DDX60: variants seen among roughly 807,000 people sequenced by gnomAD.
The protein encoded by DDX60 is probable ATP-dependent RNA helicase DDX60.
Under a neutral mutation model 212.8 loss-of-function variants are expected in DDX60, and 165 were observed. That is an observed-to-expected ratio of 0.78 (90% CI 0.68 to 0.88). DDX60 has a LOEUF of 0.88. Among genes scored for constraint, DDX60 ranks in the 40% least tolerant of loss-of-function variants. The probability of loss-of-function intolerance (pLI) is 0.00; values close to 1 mark genes in which losing one functional copy is unlikely to be tolerated. For synonymous variants in DDX60, 703 were observed against 685.3 expected (o/e 1.03, Z -0.40); for missense variants, 1,905 against 2,003.9 (o/e 0.95, Z 0.94).
intron 37 of DDX60, among the ~76,000 whole-genome samples, chr4:168,220,130 T>C (rs2149489367): frequency 6.6e-6 from 1 of 152,302 alleles, no homozygotes; most frequent in South Asian, 2.1e-4. Flanking sequence ...ACATAAAGTT[T>C]GGTGTTGCTT....
intron 30 of DDX60, among the ~76,000 whole-genome samples, chr4:168,244,938 C>T (rs1356561652): frequency 1.3e-5 from 2 of 151,918 alleles, no homozygotes; most frequent in Admixed American, 1.3e-4. Context: ...TATAACTTTT[C>T]CTGAAAAAAC....
intron 30 of DDX60, among the ~76,000 whole-genome samples, chr4:168,245,959 G>A (rs1734006077): frequency 6.6e-6 from 1 of 152,040 alleles, no homozygotes; most frequent in South Asian, 2.1e-4. Context: ...TGGAACAGGG[G>A]CACTTTTTCC....
chr4:168,286,320 GA>G (rs1735846761), intron 10 of DDX60, among the ~76,000 whole-genome samples: 1 of 149,832 alleles, frequency 6.7e-6, no homozygotes, highest in African/African-American at 2.5e-5. Flanking sequence ...AAGAAGTAGG[GA>G]AAAATACAGA....
In DDX60 at chr4:168,237,255, T is replaced by C. The variant is rs901667272; in HGVS notation, c.4411+31A>G. Reference sequence around the variant, plus strand: ...TCTGTTGCTATTTTTGGACTCTCTCTCTACATATATATATAAAATCTCAAG... The same window carrying C: ...TCTGTTGCTATTTTTGGACTCTCTCCCTACATATATATATAAAATCTCAAG... On this transcript the variant is annotated intron_variant, in intron 32 of 37. Transcript: ENST00000393743. 7 of 1,409,614 alleles carry C rather than the reference T, an allele frequency of 5.0e-6. No homozygotes were observed. In the African/African-American group the frequency reaches 8.8e-5, roughly 18 times the overall value. The allele number at this position is 1,409,614 out of a possible 1,614,324, so 87.3% of individuals were successfully genotyped here. A position where few individuals can be genotyped will look rare whatever the true frequency, so the allele number is the denominator to read the frequency against.
Position 168,283,306 on chromosome 4 carries a change from G to A in DDX60, c.1722+140C>T, listed in dbSNP as rs181686666. ...TTTTCAGCAAGAGGTAAAAGAATAA[G>A]TAATCATATACAAAAATATATGCAT... On this transcript the variant is annotated intron_variant, in intron 13 of 37. Transcript: ENST00000393743. The A allele has an allele frequency of 1.7e-3, 1,225 of 702,620 alleles. 12 individuals carry two copies. The African/African-American group carries it at 0.019, about 11-fold the overall frequency. 43.5% of individuals were successfully genotyped at this position (702,620 alleles called of 1,614,324 possible).
chr4:168,230,487 G>C (rs1246543661), intron 33 of DDX60, among the ~76,000 whole-genome samples: 5 of 151,102 alleles, frequency 3.3e-5, no homozygotes, highest in African/African-American at 7.3e-5. Context: ...CTCAATAAGT[G>C]ATCTCAGATC....
chr4:168,254,925 T>C (rs1400535727), intron 26 of DDX60, among the ~76,000 whole-genome samples: 2 of 152,152 alleles, frequency 1.3e-5, no homozygotes, highest in Non-Finnish European at 2.9e-5. Flanking sequence ...TACCAAAACA[T>C]TTTGGCATAA....
At chr4:168,267,072 A>G (rs1213778244) in intron 22 of DDX60, among the ~76,000 whole-genome samples, 1 of 152,116 alleles carries the variant, frequency 6.6e-6, no homozygotes. Flanking sequence ...AAAGTAAGTA[A>G]TCTTTCCCCA....
At chr4:168,244,413 G>A (rs1180923719) in intron 30 of DDX60, among the ~76,000 whole-genome samples, 1 of 152,150 alleles carries the variant, frequency 6.6e-6, no homozygotes, top group Non-Finnish European at 1.5e-5. Flanking sequence ...TGATATAAAA[G>A]AGTGATGGAT....
chr4:168,265,845 G>C, intron 22 of DDX60, among the ~76,000 whole-genome samples: 1 of 17,446 alleles, frequency 5.7e-5, no homozygotes, highest in Non-Finnish European at 1.2e-4. Flanking sequence ...AGGAAGGGAA[G>C]GGAAGGGAAG....
At chr4:168,273,250 T>C (rs1296058962) in intron 18 of DDX60, 29 bp downstream of exon 18, 2 of 1,603,514 alleles carry the variant, frequency 1.2e-6, no homozygotes, top group African/African-American at 1.3e-5. Context: ...TATAATTTGA[T>C]AACACACTTA....
rs1196641885 is a variant in DDX60 at position 168,255,871 on chromosome 4, T to A, written c.3399-2A>T. 6.4e-7 allele frequency: 1 copy of A among 1,571,268 alleles called. No homozygotes were observed. The highest frequency in any genetic ancestry group is 8.6e-7 in the Non-Finnish European group (1 of 1,168,060). ...TTTTCTACAGCTCCTAACTTGAATC[T>A]GGAAATAAAAAGAATGTGCGCCTTG... On this transcript the variant is annotated splice_acceptor_variant, in intron 25 of 37. Transcript: ENST00000393743. LOFTEE classifies it high-confidence loss of function.
intron 30 of DDX60, among the ~76,000 whole-genome samples, chr4:168,238,196 A>G (rs72693110): frequency 0.061 from 8,546 of 139,928 alleles, 441 homozygotes; most frequent in East Asian, 0.16. Flanking sequence ...ATTAAAGTAC[A>G]TGTATCTTTC....
chr4:168,231,784 T>C (rs1250663188), intron 33 of DDX60, among the ~76,000 whole-genome samples: 1 of 152,020 alleles, frequency 6.6e-6, no homozygotes, highest in Non-Finnish European at 1.5e-5. Context: ...GTAGAAAGCA[T>C]TCTCCCTGAG....
intron 16 of DDX60, 91 bp downstream of exon 16, chr4:168,275,254 A>G (rs1199696772): frequency 8.5e-7 from 1 of 1,170,208 alleles, no homozygotes; most frequent in Non-Finnish European, 1.2e-6. Flanking sequence ...ATGAACATCA[A>G]ATATAACATG....
At chr4:168,290,515 A>G (rs1342213572) in intron 8 of DDX60, among the ~76,000 whole-genome samples, 1 of 150,848 alleles carries the variant, frequency 6.6e-6, no homozygotes, top group Non-Finnish European at 1.5e-5. Context: ...TTTTTGGTAT[A>G]TTTTTAGTAG....
At chr4:168,299,464 G>A (rs923821038) in intron 6 of DDX60, among the ~76,000 whole-genome samples, 1 of 150,208 alleles carries the variant, frequency 6.7e-6, no homozygotes, top group African/African-American at 2.4e-5. Flanking sequence ...TAAGATGAAA[G>A]AAAGCACAAA....
At position 168,250,933 on chromosome 4, in the gene DDX60, GA is replaced by G; in HGVS notation, c.3858+20del. ...GAAACAGTCACAATTTCAATTTTTA[GA>G]ATGAAGAAAATTCACCTACCCTAAG... On this transcript the variant is annotated intron_variant, in intron 28 of 37. Coordinates refer to ENST00000393743, the MANE Select transcript of DDX60 (RefSeq NM_017631.6). 1 of 1,540,530 alleles carries G rather than the reference GA, an allele frequency of 6.5e-7. No individual in the cohort carries two copies. Among genetic ancestry groups the G allele is most frequent in the South Asian group, 1.2e-5 (1 of 82,324 alleles).
intron 14 of DDX60, among the ~76,000 whole-genome samples, chr4:168,277,302 G>C (rs940852756): frequency 6.6e-6 from 1 of 152,140 alleles, no homozygotes; most frequent in African/African-American, 2.4e-5. Flanking sequence ...TTACTCATTG[G>C]TCTCAAAGGT....
Sources: gnomAD v4.1 joint callset for allele counts (sites outside exome capture counted in the v4.1 genomes callset) on GRCh38, gnomAD v4.1.1 for gene constraint, MANE v1.5 for transcripts, NCBI Gene and HGNC (gene_info 2026-07-23, HGNC 2026-07-21) for gene names.